Variants in AGAP1 observed in about 807,000 individuals in gnomAD.
AGAP1 encodes ArfGAP with GTPase domain, ankyrin repeat and PH domain 1, also known as arf-GAP with GTPase, ANK repeat and PH domain-containing protein 1.
AGAP1 carries 29 observed loss-of-function variants against 105.3 expected under a neutral mutation model. The observed-to-expected ratio is 0.28, with a 90% CI of 0.21 to 0.38. AGAP1 has a LOEUF of 0.38. Among genes scored for constraint, AGAP1 ranks in the 10% least tolerant of loss-of-function variants. AGAP1 has a pLI of 1.00. For synonymous variants in AGAP1, 509 were observed against 485.9 expected (o/e 1.05, Z -0.63); for missense variants, 998 against 1,165.1 (o/e 0.86, Z 2.09).
chr2:235,852,400 AG>A (rs570088798), intron 9 of AGAP1, among the ~76,000 whole-genome samples: 164 of 151,534 alleles, frequency 1.1e-3, no homozygotes, highest in African/African-American at 3.4e-3. Context: ...TGGGGTGGAA[AG>A]GGGGGGGAAC....
At chr2:235,657,768 C>T (rs1575057123) in intron 1 of AGAP1, among the ~76,000 whole-genome samples, 1 of 152,248 alleles carries the variant, frequency 6.6e-6, no homozygotes, top group East Asian at 1.9e-4. Flanking sequence ...AAGTCCTAAC[C>T]CCCAGTGCCT....
intron 1 of AGAP1, among the ~76,000 whole-genome samples, chr2:235,676,401 G>T (rs1340900663): frequency 1.3e-5 from 2 of 152,174 alleles, no homozygotes; most frequent in African/African-American, 4.8e-5. Context: ...ATGTTTATGG[G>T]TGGAACTAAT....
chr2:236,072,125 GTTTTTTTTTTTTTT>G (rs11342740), intron 16 of AGAP1, among the ~76,000 whole-genome samples: 1 of 111,966 alleles, frequency 8.9e-6, no homozygotes, highest in African/African-American at 3.2e-5. Context: ...TTCGTTGTGG[GTTTTTTTTTTTTTT>G]TTTTTTTTTA....
At chr2:235,707,475 C>CG (rs1189739265) in intron 1 of AGAP1, among the ~76,000 whole-genome samples, 2 of 57,620 alleles carry the variant, frequency 3.5e-5, no homozygotes, top group Non-Finnish European at 6.9e-5. Flanking sequence ...CCCCATGACC[C>CG]CCCCCCCCCC....
rs71039711 is a variant in AGAP1, at chr2:236,105,550, CTTTTTTTT to C, written c.2115-14626_2115-14619del. On this transcript the variant is annotated intron_variant, in intron 16 of 17. Coordinates refer to ENST00000304032, the MANE Select transcript of AGAP1 (RefSeq NM_001037131.3). The surrounding 1 kb of genome is among the most constrained non-coding windows in gnomAD (Gnocchi z 4.2). Reference sequence around the variant, plus strand: ...GAGAGGAGAGGGGCATCTCTCGTGTCTTTTTTTTTTTTTTTTTTTTTTTGAGACACAGT... The same window carrying C: ...GAGAGGAGAGGGGCATCTCTCGTGTCTTTTTTTTTTTTTTTGAGACACAGT... Among the ~76,000 whole-genome samples, 3 of 81,316 alleles carry C rather than the reference CTTTTTTTT, an allele frequency of 3.7e-5. No homozygotes were observed. Among genetic ancestry groups the C allele is most frequent in the African/African-American group, 1.7e-4 (3 of 17,498 alleles). The allele number at this position is 81,316 out of a possible 152,430, so 53.3% of individuals were successfully genotyped here.
intron 6 of AGAP1, among the ~76,000 whole-genome samples, chr2:235,763,035 GGTGT>G (rs145122803): frequency 7.1e-6 from 1 of 139,974 alleles, no homozygotes; most frequent in Non-Finnish European, 1.6e-5. Context: ...TTAAGGCTCG[GGTGT>G]GTGTGTGTGT....
At chr2:236,016,791 T>G (rs2056719022) in intron 13 of AGAP1, among the ~76,000 whole-genome samples, 1 of 152,208 alleles carries the variant, frequency 6.6e-6, no homozygotes, top group Non-Finnish European at 1.5e-5. Context: ...AAGGCATTCC[T>G]GGGGATACTA....
chr2:235,850,134 A>C (rs1962019831), intron 9 of AGAP1, among the ~76,000 whole-genome samples: 1 of 152,186 alleles, frequency 6.6e-6, no homozygotes, highest in East Asian at 1.9e-4. Flanking sequence ...TGCTGTGGAC[A>C]AATTCCGGCA....
At chr2:235,996,952 GA>G (rs371881815) in intron 13 of AGAP1, among the ~76,000 whole-genome samples, 35 of 152,136 alleles carry the variant, frequency 2.3e-4, no homozygotes, top group African/African-American at 8.0e-4. Context: ...TGTAGGAGAA[GA>G]AAAAAATCAC....
rs991312638 is a variant in AGAP1, at chr2:235,578,244, G to A, written c.163+83395G>A. Among the ~76,000 whole-genome samples the A allele has an allele frequency of 6.6e-6, 1 of 152,062 alleles. No homozygotes were observed. The highest frequency in any genetic ancestry group is 2.4e-5 in the African/African-American group (1 of 41,384). ...AGCCAGCCTGAGCTCCACGGTGCCC[G>A]TCTCCTACCTGCACTGTGCCCCCAC... is the stretch of plus-strand genomic sequence containing the variant. On this transcript the variant is annotated intron_variant, in intron 1 of 17. Transcript: ENST00000304032. The surrounding 1 kb of genome is among the most constrained non-coding windows in gnomAD (Gnocchi z 4.9).
intron 11 of AGAP1, among the ~76,000 whole-genome samples, chr2:235,928,675 A>C (rs745323484): frequency 6.6e-6 from 1 of 152,162 alleles, no homozygotes; most frequent in Non-Finnish European, 1.5e-5. Context: ...CCGAGATGGG[A>C]GTATCTCCTC....
rs6431403 is a variant in AGAP1, at chr2:235,889,370, G to A, written c.1155+5921G>A. On this transcript the variant is annotated intron_variant, in intron 10 of 17. Coordinates refer to ENST00000304032, the MANE Select transcript of AGAP1 (RefSeq NM_001037131.3). This position sits in a 1 kb window ranked among gnomAD's most constrained non-coding sequence, Gnocchi z 4.6. ...TGGGTCGGCTGCCTGGGAACCTCACGAATACTGATCCCCAGGGACTGCGTG... is the reference window on the plus strand; with the variant it reads ...TGGGTCGGCTGCCTGGGAACCTCACAAATACTGATCCCCAGGGACTGCGTG... Among the ~76,000 whole-genome samples, 2,050 of 152,186 alleles carry A rather than the reference G, an allele frequency of 0.013. 50 individuals are homozygous for A. The highest frequency in any genetic ancestry group is 0.046 in the African/African-American group (1,914 of 41,504).
chr2:236,009,270 C>T lies in AGAP1; in HGVS notation c.1646-27291C>T, dbSNP rs536442271. ...CAAATGGCCAGCACAAAAGAAATCC[C>T]CAATCTCTAACCTCACAATGAAATC... On this transcript the variant is annotated intron_variant, in intron 13 of 17. Transcript: ENST00000304032. The surrounding 1 kb of genome is among the most constrained non-coding windows in gnomAD (Gnocchi z 4.2). Among the ~76,000 whole-genome samples, 8 of 152,294 alleles carry T rather than the reference C, an allele frequency of 5.3e-5. No individual in the cohort carries two copies. The highest frequency in any genetic ancestry group is 2.6e-4 in the Admixed American group (4 of 15,300).
intron 4 of AGAP1, among the ~76,000 whole-genome samples, chr2:235,742,925 G>T (rs549449222): frequency 6.6e-6 from 1 of 152,298 alleles, no homozygotes; most frequent in East Asian, 1.9e-4. Context: ...CCAGCACTTT[G>T]GGAAGCTGAG....
chr2:236,059,225 T>C (rs1010733324), intron 16 of AGAP1, among the ~76,000 whole-genome samples: 15 of 151,460 alleles, frequency 9.9e-5, no homozygotes, highest in Non-Finnish European at 1.5e-5. Context: ...CAAAATAAAA[T>C]TAAGGACAGT....
At chr2:235,969,514 GC>G (rs2054552875) in intron 13 of AGAP1, among the ~76,000 whole-genome samples, 1 of 152,182 alleles carries the variant, frequency 6.6e-6, no homozygotes, top group Non-Finnish European at 1.5e-5. Context: ...AGGGTCTCAT[GC>G]CCAGGGGCAA....
In AGAP1 at chr2:235,798,014, G is replaced by A. The variant is rs937425495; in HGVS notation, c.801+128G>A. The A allele has an allele frequency of 4.2e-6, 5 of 1,193,004 alleles. No homozygotes were observed. The African/African-American group carries it at 7.7e-5, about 18-fold the overall frequency. The allele number at this position is 1,193,004 out of a possible 1,614,324, so 73.9% of individuals were successfully genotyped here. A position where few individuals can be genotyped will look rare whatever the true frequency, so the allele number is the denominator to read the frequency against. ...TTATAAGTAACAGCATGTTGTAATT[G>A]ACTTCACATTTTCTTCAGAAACTGC... On this transcript the variant is annotated intron_variant, in intron 7 of 17. Transcript: ENST00000304032.
chr2:236,015,653 C>CG (rs2056672864), intron 13 of AGAP1, among the ~76,000 whole-genome samples: 1 of 151,998 alleles, frequency 6.6e-6, no homozygotes, highest in South Asian at 2.1e-4. Flanking sequence ...ATAAGGGAGG[C>CG]GGGGGCATCG....
intron 1 of AGAP1, among the ~76,000 whole-genome samples, chr2:235,571,424 A>G (rs1944510155): frequency 6.6e-6 from 1 of 152,210 alleles, no homozygotes; most frequent in Non-Finnish European, 1.5e-5. Flanking sequence ...TTCCTTGGGC[A>G]CACTAGCCAC....
Sources: allele counts gnomAD v4.1 joint callset (sites outside exome capture counted in the v4.1 genomes callset), GRCh38; gene constraint gnomAD v4.1.1; non-coding constraint Gnocchi (gnomAD v3.1); transcripts MANE v1.5; gene names NCBI Gene and HGNC (gene_info 2026-07-23, HGNC 2026-07-21).